Variants in FOXP1 observed in about 807,000 individuals in gnomAD.
FOXP1 encodes the protein forkhead box protein P1.
In FOXP1, 15 loss-of-function variants were observed where a neutral mutation model predicts 98.2. The observed-to-expected ratio is 0.15, with a 90% CI of 0.10 to 0.24. The LOEUF is 0.24. Ranked by LOEUF, FOXP1 falls within the 10% of genes least tolerant of loss-of-function variation. The probability of loss-of-function intolerance (pLI) is 1.00; values close to 1 mark genes in which losing one functional copy is unlikely to be tolerated. For missense variants in FOXP1, 633 were observed against 848.5 expected (o/e 0.75, Z 3.15); for synonymous variants, 371 against 314.5 (o/e 1.18, Z -1.90).
intron 5 of FOXP1, among the ~76,000 whole-genome samples, chr3:71,278,659 T>C (rs528064647): frequency 7.9e-4 from 120 of 152,178 alleles, no homozygotes; most frequent in African/African-American, 2.3e-3. Flanking sequence ...TATGCACCTG[T>C]AATCACAGCT....
intron 3 of FOXP1, among the ~76,000 whole-genome samples, chr3:71,420,314 C>T (rs1464066584): frequency 1.3e-5 from 2 of 152,076 alleles, no homozygotes; most frequent in Non-Finnish European, 2.9e-5. Flanking sequence ...AAGCAATGGT[C>T]TAGCCACACA....
intron 2 of FOXP1, among the ~76,000 whole-genome samples, chr3:71,513,643 T>C (rs1235302447): frequency 1.3e-5 from 2 of 152,192 alleles, no homozygotes; most frequent in African/African-American, 4.8e-5. Flanking sequence ...GGTCAGGGTG[T>C]AGCGCAAGGT....
chr3:71,507,566 A>G (rs1421208201), intron 2 of FOXP1, among the ~76,000 whole-genome samples: 3 of 151,910 alleles, frequency 2.0e-5, no homozygotes, highest in Non-Finnish European at 4.4e-5. Flanking sequence ...CTATTGAATG[A>G]TATGTTGCAA....
chr3:71,064,692 T>G (rs2052123406), intron 7 of FOXP1: 1 of 587,972 alleles, frequency 1.7e-6, no homozygotes, highest in Non-Finnish European at 2.1e-6. Flanking sequence ...AGGATGAGGA[T>G]GATTTTTTAA....
intron 4 of FOXP1, among the ~76,000 whole-genome samples, chr3:71,303,146 C>T (rs921361835): frequency 2.0e-5 from 3 of 152,020 alleles, no homozygotes; most frequent in African/African-American, 4.8e-5. Flanking sequence ...TATAGTATTT[C>T]CCCCTTCCCT....
chr3:71,254,895 T>C (rs1351076185), intron 5 of FOXP1, among the ~76,000 whole-genome samples: 2 of 152,156 alleles, frequency 1.3e-5, no homozygotes, highest in African/African-American at 4.8e-5. Context: ...ATGCCCAGCA[T>C]TGCAACATTT....
intron 6 of FOXP1, among the ~76,000 whole-genome samples, chr3:71,145,522 A>G (rs2060267978): frequency 6.6e-6 from 1 of 152,196 alleles, no homozygotes; most frequent in Non-Finnish European, 1.5e-5. Context: ...AGCCTGGGTG[A>G]AAGAGCGAGA....
chr3:71,449,613 T>C (rs1163065117), intron 3 of FOXP1, among the ~76,000 whole-genome samples: 3 of 152,160 alleles, frequency 2.0e-5, no homozygotes, highest in African/African-American at 7.2e-5. Flanking sequence ...AACCTTTTCT[T>C]GTCCTCTCCC....
chr3:71,558,740 G>A (rs1265484108), intron 2 of FOXP1, among the ~76,000 whole-genome samples: 12 of 149,862 alleles, frequency 8.0e-5, no homozygotes, highest in East Asian at 3.9e-4. Flanking sequence ...TGATCCGCCC[G>A]CCTCGGCCTC....
intron 3 of FOXP1, among the ~76,000 whole-genome samples, chr3:71,454,761 T>TG (rs760068003): frequency 6.6e-6 from 1 of 151,572 alleles, no homozygotes; most frequent in Non-Finnish European, 1.5e-5. Flanking sequence ...GTGGAATACG[T>TG]GGATTCGAAT....
intron 5 of FOXP1, among the ~76,000 whole-genome samples, chr3:71,278,329 T>G: frequency 6.6e-6 from 1 of 152,200 alleles, no homozygotes. Context: ...TCTGATGTTC[T>G]CCATCTTTCC....
chr3:71,464,461 G>A (rs2088487712), intron 3 of FOXP1, among the ~76,000 whole-genome samples: 2 of 152,188 alleles, frequency 1.3e-5, no homozygotes, highest in Admixed American at 6.5e-5. Context: ...GTGCTCTCCT[G>A]AGAGGGGGAA....
At chr3:71,030,509 T>G (rs1263137248) in intron 11 of FOXP1, among the ~76,000 whole-genome samples, 2 of 152,230 alleles carry the variant, frequency 1.3e-5, no homozygotes, top group African/African-American at 4.8e-5. Flanking sequence ...GTAAATGATT[T>G]GTTTGTTCTA....
intron 3 of FOXP1, among the ~76,000 whole-genome samples, chr3:71,469,944 C>T (rs184867480): frequency 6.6e-6 from 1 of 152,204 alleles, no homozygotes; most frequent in East Asian, 1.9e-4. Flanking sequence ...CAGAAATGGC[C>T]TCATGTGGGG....
chr3:71,545,108 T>A (rs376592643), intron 2 of FOXP1, among the ~76,000 whole-genome samples: 2,047 of 150,472 alleles, frequency 0.014, 38 homozygotes, highest in Middle Eastern at 0.014. Context: ...TTTTTTTTAT[T>A]AAAAATAACC....
chr3:71,538,126 T>G (rs1053503341), intron 2 of FOXP1, among the ~76,000 whole-genome samples: 1 of 152,228 alleles, frequency 6.6e-6, no homozygotes, highest in African/African-American at 2.4e-5. Context: ...AGTGCCTCAT[T>G]CTACAAGTAA....
chr3:71,365,614 G>A (rs2078867176), intron 3 of FOXP1, among the ~76,000 whole-genome samples: 1 of 152,184 alleles, frequency 6.6e-6, no homozygotes, highest in African/African-American at 2.4e-5. Flanking sequence ...GAGTGAGACA[G>A]AAATGACATC....
intron 19 of FOXP1, chr3:70,969,789 T>G (rs1053134002): frequency 1.3e-5 from 2 of 152,180 alleles, no homozygotes; most frequent in African/African-American, 2.4e-5. Context: ...CCATTGAGAA[T>G]GTATGCTGCA....
At chr3:71,462,257 T>C (rs759286578) in intron 3 of FOXP1, among the ~76,000 whole-genome samples, 57 of 152,208 alleles carry the variant, frequency 3.7e-4, no homozygotes, top group Non-Finnish European at 7.2e-4. Flanking sequence ...TGAAGTTATT[T>C]ACCATTTTGT....
Sources: gnomAD v4.1 joint callset for allele counts (sites outside exome capture counted in the v4.1 genomes callset) on GRCh38, gnomAD v4.1.1 for gene constraint, MANE v1.5 for transcripts, NCBI Gene and HGNC (gene_info 2026-07-23, HGNC 2026-07-21) for gene names.